Variants in ANKRD11 observed in about 807,000 individuals in gnomAD.
The protein encoded by ANKRD11 is ankyrin repeat domain 11, also known as ankyrin repeat domain-containing protein 11.
Under a neutral mutation model 195.7 loss-of-function variants are expected in ANKRD11, and 17 were observed. That is an observed-to-expected ratio of 0.09 (90% confidence interval 0.06 to 0.13). ANKRD11 has a LOEUF of 0.13. Among genes scored for constraint, ANKRD11 ranks in the 10% least tolerant of loss-of-function variants. ANKRD11 has a pLI of 1.00. For synonymous variants in ANKRD11, 1,953 were observed against 1,528.1 expected, an observed-to-expected ratio of 1.28 and a Z score of -6.49; for missense variants, 3,735 against 3,566.1, an observed-to-expected ratio of 1.05 and a Z score of -1.21.
chr16:89,314,885 G>A (rs1007868732), intron 3 of ANKRD11, among the ~76,000 whole-genome samples: 5 of 152,228 alleles, frequency 3.3e-5, no homozygotes, highest in Admixed American at 2.6e-4. Context: ...TGAAGCGCAG[G>A]CCAGGTTCAC....
At chr16:89,388,292 G>GTTTTTTTTT (rs1567734637) in intron 2 of ANKRD11, among the ~76,000 whole-genome samples, 6 of 61,040 alleles carry the variant, frequency 9.8e-5, no homozygotes, top group Non-Finnish European at 1.6e-4. Context: ...CCATGAGGCT[G>GTTTTTTTTT]ATTTTTTTTT....
At chr16:89,396,483 C>G (rs1424071693) in intron 2 of ANKRD11, among the ~76,000 whole-genome samples, 1 of 152,176 alleles carries the variant, frequency 6.6e-6, no homozygotes, top group Non-Finnish European at 1.5e-5. Context: ...ATGAAAATCT[C>G]CATAATTATA....
In ANKRD11 at chr16:89,489,223, ACACG is replaced by A. The variant is rs775487229; in HGVS notation, c.-145+1018_-145+1021del. Reference sequence around the variant, plus strand: ...CAGGGCCAACCCTACACACACACACACACGCGCGCGCGCGCGCGCGCGCACACAC... The same window carrying A: ...CAGGGCCAACCCTACACACACACACACGCGCGCGCGCGCGCGCGCACACAC... On this transcript the variant is annotated intron_variant, in intron 1 of 12. Transcript: ENST00000301030. The A allele has an allele frequency of 9.5e-3, 987 of 104,294 alleles. 20 individuals carry two copies. In the South Asian group the frequency reaches 0.11, roughly 12 times the overall value. The allele number at this position is 104,294 out of a possible 1,614,324, so 6.5% of individuals were successfully genotyped here.
chr16:89,375,413 C>T (rs1597831109), intron 2 of ANKRD11, among the ~76,000 whole-genome samples: 1 of 152,096 alleles, frequency 6.6e-6, no homozygotes, highest in Admixed American at 6.5e-5. Flanking sequence ...ATGGTCATGC[C>T]TGTGACAAGC....
At chr16:89,410,884 G>A (rs1054534349) in intron 2 of ANKRD11, among the ~76,000 whole-genome samples, 3 of 152,234 alleles carry the variant, frequency 2.0e-5, no homozygotes, top group Admixed American at 6.5e-5. Flanking sequence ...GCGTGAACAC[G>A]TGTTCTACAC....
Position 89,390,441 on chromosome 16 carries a change from T to C in ANKRD11, c.-60+27843A>G, listed in dbSNP as rs181522172. On this transcript the variant is annotated intron_variant, in intron 2 of 12. Coordinates refer to ENST00000301030, the MANE Select transcript of ANKRD11 (RefSeq NM_013275.6). Reference sequence around the variant, plus strand: ...TGAGGTGCAGGAGCCTAACCAACGGTAAGGGGTGCTCCCAAAGGAGGTGGA... The same window carrying C: ...TGAGGTGCAGGAGCCTAACCAACGGCAAGGGGTGCTCCCAAAGGAGGTGGA... Among the ~76,000 whole-genome samples, 13 of 151,582 alleles carry C rather than the reference T, an allele frequency of 8.6e-5. No individual in the cohort carries two copies. In the East Asian group the frequency reaches 2.5e-3, roughly 29 times the overall value.
At chr16:89,459,500 A>G (rs902477345) in intron 1 of ANKRD11, 5 of 152,228 alleles carry the variant, frequency 3.3e-5, no homozygotes, top group African/African-American at 1.2e-4. Context: ...CCGGCCTCTT[A>G]CAAGTTTTTT....
At chr16:89,395,617 G>T (rs768870756) in intron 2 of ANKRD11, 1 of 152,244 alleles carries the variant, frequency 6.6e-6, no homozygotes, top group African/African-American at 2.4e-5. Flanking sequence ...GCAAGCATAG[G>T]TATCAGGGGA....
chr16:89,378,978 C>G (rs554204623), intron 2 of ANKRD11, among the ~76,000 whole-genome samples: 4 of 152,308 alleles, frequency 2.6e-5, no homozygotes, highest in Admixed American at 6.5e-5. Context: ...AAGGTTCTGA[C>G]GGCACACTGG....
At chr16:89,369,252 C>A (rs934372516) in intron 2 of ANKRD11, among the ~76,000 whole-genome samples, 1 of 152,262 alleles carries the variant, frequency 6.6e-6, no homozygotes, top group Non-Finnish European at 1.5e-5. Context: ...CAGCGACCTA[C>A]ACCTAGGTAC....
intron 1 of ANKRD11, among the ~76,000 whole-genome samples, chr16:89,439,710 C>G (rs1042670712): frequency 1.3e-5 from 2 of 152,118 alleles, no homozygotes; most frequent in Non-Finnish European, 2.9e-5. Flanking sequence ...CAGCACACCT[C>G]CATCCACCTC....
At chr16:89,336,614 T>C (rs1015563552) in intron 2 of ANKRD11, among the ~76,000 whole-genome samples, 1 of 152,138 alleles carries the variant, frequency 6.6e-6, no homozygotes, top group Non-Finnish European at 1.5e-5. Context: ...AGTGACGCTT[T>C]GTAAGGACGG....
rs185138749 is a variant in ANKRD11, at chr16:89,447,597, G to A, written c.-144-29229C>T. ...ACAACAATGCTCCACTCTTGGCCTC[G>A]TACCCTAAGTGTCCACATTCCACCT... is the stretch of plus-strand genomic sequence containing the variant. On this transcript the variant is annotated intron_variant, in intron 1 of 12. Transcript: ENST00000301030. 6.7e-3 allele frequency among the ~76,000 whole-genome samples: 1,015 copies of A among 152,034 alleles called. 3 individuals carry two copies. Among genetic ancestry groups the A allele is most frequent in the Non-Finnish European group, 0.011 (754 of 67,982 alleles).
chr16:89,297,616 A>C (rs1483778546), intron 4 of ANKRD11: 2 of 152,254 alleles, frequency 1.3e-5, no homozygotes, highest in Non-Finnish European at 2.9e-5. Context: ...CAACGCTCGC[A>C]CAACTCCAAA....
At chr16:89,426,117 T>TGAA (rs2042705190) in intron 1 of ANKRD11, among the ~76,000 whole-genome samples, 1 of 152,128 alleles carries the variant, frequency 6.6e-6, no homozygotes, top group African/African-American at 2.4e-5. Context: ...GGCATCCGAC[T>TGAA]CCTGCCAAAA....
chr16:89,486,318 G>A (rs1446614050), intron 1 of ANKRD11, among the ~76,000 whole-genome samples: 1 of 152,012 alleles, frequency 6.6e-6, no homozygotes, highest in East Asian at 1.9e-4. Context: ...GCACATGCCT[G>A]TGGTCCCAGC....
intron 12 of ANKRD11, 95 bp downstream of exon 12, chr16:89,270,722 T>C: frequency 2.4e-6 from 3 of 1,228,710 alleles, no homozygotes; most frequent in Non-Finnish European, 3.5e-6. Context: ...GGCAGCGGCC[T>C]CCCCCCAGGC....
At chr16:89,417,019 C>A (rs910798969) in intron 2 of ANKRD11, among the ~76,000 whole-genome samples, 1 of 152,156 alleles carries the variant, frequency 6.6e-6, no homozygotes, top group African/African-American at 2.4e-5. Context: ...ACTACCCAGG[C>A]TGGCTTCATT....
chr16:89,393,719 T>C (rs1353503542), intron 2 of ANKRD11, among the ~76,000 whole-genome samples: 1 of 151,978 alleles, frequency 6.6e-6, no homozygotes, highest in Non-Finnish European at 1.5e-5. Context: ...GCCGGGCCGA[T>C]GGAAACATGC....
Sources: gnomAD v4.1 joint callset for allele counts (sites outside exome capture counted in the v4.1 genomes callset) on GRCh38, gnomAD v4.1.1 for gene constraint, MANE v1.5 for transcripts, NCBI Gene and HGNC (gene_info 2026-07-23, HGNC 2026-07-21) for gene names.